Variants in LAMA2 observed in about 807,000 individuals in gnomAD.
LAMA2 encodes laminin subunit alpha-2.
In LAMA2, 269 loss-of-function variants were observed where a neutral mutation model predicts 364.8. The ratio of observed to expected loss-of-function variants is 0.74; its 90% CI spans 0.67 to 0.82. The LOEUF (loss-of-function observed/expected upper bound fraction) is 0.82, where lower values mean the gene tolerates loss of function less well. Ranked by LOEUF, LAMA2 falls within the 40% of genes least tolerant of loss-of-function variation. The probability of loss-of-function intolerance (pLI) is 0.00; values close to 1 mark genes in which losing one functional copy is unlikely to be tolerated. For synonymous variants in LAMA2, 1,379 were observed against 1,370.6 expected (o/e 1.01, Z -0.14); for missense variants, 3,807 against 3,873.2 (o/e 0.98, Z 0.45).
At chr6:129,291,497 AC>A in intron 19 of LAMA2, 116 bp from the exon 20 acceptor site, 1 of 751,860 alleles carries the variant, frequency 1.3e-6, no homozygotes, top group Non-Finnish European at 2.4e-6. Context: ...AAATCAGAAA[AC>A]ATTCTGTTAC....
intron 29 of LAMA2, among the ~76,000 whole-genome samples, chr6:129,335,732 G>A (rs1437151926): frequency 6.6e-6 from 1 of 152,090 alleles, no homozygotes; most frequent in Non-Finnish European, 1.5e-5. Context: ...TGCCAGAATA[G>A]AGATTGTTAG....
In LAMA2 at chr6:128,895,468, T is replaced by TG. The variant is rs1776714773; in HGVS notation, c.112+12111_112+12112insG. ...TAACATGGTGAAACCCTGTCTCTAC[T>TG]AAAAAAAAAAAAAAAAAAAAAAAGC... On this transcript the variant is annotated intron_variant, in intron 1 of 64. Coordinates refer to ENST00000421865, the MANE Select transcript of LAMA2 (RefSeq NM_000426.4). Among the ~76,000 whole-genome samples, 3 of 65,832 alleles carry TG rather than the reference T, an allele frequency of 4.6e-5. No individual in the cohort carries two copies. In the Admixed American group the frequency reaches 5.5e-4, roughly 12 times the overall value. 43.2% of individuals were successfully genotyped at this position (65,832 alleles called of 152,430 possible).
intron 3 of LAMA2, among the ~76,000 whole-genome samples, chr6:129,072,379 A>G (rs911381632): frequency 6.6e-6 from 1 of 152,152 alleles, no homozygotes; most frequent in African/African-American, 2.4e-5. Context: ...TTTTGTATGT[A>G]GATTCACTAG....
At chr6:129,235,452 A>G (rs143497993) in intron 12 of LAMA2, among the ~76,000 whole-genome samples, 9 of 152,324 alleles carry the variant, frequency 5.9e-5, no homozygotes, top group African/African-American at 1.9e-4. Flanking sequence ...ATGTGAAAGC[A>G]TATGAAGAAA....
chr6:129,202,797 T>G (rs1360705638), intron 12 of LAMA2, among the ~76,000 whole-genome samples: 1 of 152,190 alleles, frequency 6.6e-6, no homozygotes, highest in African/African-American at 2.4e-5. Context: ...CAAAGATTGT[T>G]TCAGAGAAAT....
chr6:129,048,857 C>T (rs529528761), intron 1 of LAMA2, among the ~76,000 whole-genome samples: 111 of 151,986 alleles, frequency 7.3e-4, no homozygotes, highest in Non-Finnish European at 1.4e-3. Context: ...TCAAGTGATC[C>T]GCCCACCTCA....
chr6:128,976,983 A>G (rs1469442065), intron 1 of LAMA2, among the ~76,000 whole-genome samples: 1 of 152,170 alleles, frequency 6.6e-6, no homozygotes, highest in Non-Finnish European at 1.5e-5. Context: ...CACAATCCAC[A>G]TTTGACCATA....
In LAMA2 at chr6:129,050,088, C is replaced by T. The variant is rs1018100729; in HGVS notation, c.283C>T (p.Gln95Ter). The change falls in exon 2 of 65, where the codon CAG (glutamine) becomes TAG (stop). Residue 95 changes from glutamine (Q) to a stop codon, truncating the protein, a stop_gained and splice_region_variant. Transcript: ENST00000421865. LOFTEE classifies it high-confidence loss of function. The stretch of plus-strand genomic sequence containing the variant: ...CAATCAAAACAGCAGCAATCCAAAC[C>T]GTATGTATTTTAGTGTGTAGGTGTG... ...ICNQNSSNPN[Q>*]RHPITNAIDG... 5 of 1,614,086 alleles carry T rather than the reference C, an allele frequency of 3.1e-6. No homozygotes were observed. Among genetic ancestry groups the T allele is most frequent in the Non-Finnish European group, 3.4e-6 (4 of 1,179,990 alleles).
In LAMA2 at chr6:129,391,483, C is replaced by A; in HGVS notation, c.5072-8C>A. The A allele has an allele frequency of 1.2e-6, 2 of 1,611,892 alleles. No individual in the cohort carries two copies. Among genetic ancestry groups the A allele is most frequent in the Non-Finnish European group, 1.7e-6 (2 of 1,178,326 alleles). On this transcript the variant is annotated splice_region_variant and splice_polypyrimidine_tract_variant and intron_variant, in intron 35 of 64. Transcript: ENST00000421865. ...ACTAATTTACAAAATTTGTTTTACC[C>A]CCTGCAGCTGTAAATGAAAAAGCTA...
chr6:129,469,572 C>T (rs1271627308), intron 51 of LAMA2, among the ~76,000 whole-genome samples: 2 of 151,930 alleles, frequency 1.3e-5, no homozygotes, highest in East Asian at 3.9e-4. Context: ...CCATACAAAC[C>T]AATCATTTCA....
Position 129,192,849 on chromosome 6 carries a change from A to G in LAMA2, c.1778A>G (p.Asn593Ser). 6.2e-7 allele frequency: 1 copy of G among 1,613,916 alleles called. No individual in the cohort carries two copies. Among genetic ancestry groups the G allele is most frequent in the East Asian group, 2.2e-5 (1 of 44,880 alleles). The change falls in exon 12 of 65, where the codon AAC (asparagine) becomes AGC (serine). Residue 593 changes from asparagine (N) to serine (S), a missense_variant. Asn to Ser is a conservative substitution (Grantham distance 46). Around this residue, in one of 3 missense-constraint regions of LAMA2, gnomAD observed 3,333 missense variants for 3,345.7 expected, o/e 1.00. Transcript: ENST00000421865. ...AGCGCGCCGGCTCCCTATCTGGGAA[A>G]CAAAGTAAGTCCACGCTTGCTTCCC... ...YWSAPAPYLG[N>S]KLPAVGGQLT...
chr6:129,359,136 TC>T (rs1301413965), intron 32 of LAMA2, among the ~76,000 whole-genome samples: 3 of 151,464 alleles, frequency 2.0e-5, no homozygotes, highest in African/African-American at 7.3e-5. Context: ...AAAACTATTA[TC>T]CCATTATTAT....
chr6:129,177,562 G>A (rs1156540346), intron 9 of LAMA2, 144 bp from the exon 10 acceptor site: 4 of 750,160 alleles, frequency 5.3e-6, no homozygotes, highest in African/African-American at 1.8e-5. Context: ...TCTACTCTTT[G>A]GTTTTAACTT....
intron 45 of LAMA2, among the ~76,000 whole-genome samples, chr6:129,452,735 G>C (rs1010484469): frequency 1.3e-5 from 2 of 152,104 alleles, no homozygotes; most frequent in Non-Finnish European, 1.5e-5. Flanking sequence ...TTAGTTGCAT[G>C]CTTCAAAAAA....
chr6:129,065,646 C>A (rs1789246765), intron 3 of LAMA2, among the ~76,000 whole-genome samples: 1 of 151,798 alleles, frequency 6.6e-6, no homozygotes, highest in African/African-American at 2.4e-5. Flanking sequence ...TAAAATAATC[C>A]CATTCACCAT....
chr6:129,118,965 A>C (rs1470592468), intron 4 of LAMA2, among the ~76,000 whole-genome samples: 1 of 152,230 alleles, frequency 6.6e-6, no homozygotes, highest in African/African-American at 2.4e-5. Context: ...TAATATTTAA[A>C]AATGCCAATT....
chr6:129,267,116 C>T lies in LAMA2; in HGVS notation c.2219C>T (p.Pro740Leu), dbSNP rs1438323758. 3.7e-6 allele frequency: 6 copies of T among 1,609,900 alleles called. No homozygotes were observed. Among genetic ancestry groups the T allele is most frequent in the Non-Finnish European group, 5.1e-6 (6 of 1,176,304 alleles). ...TTATCTTTCTCTCAGTCTTGTTGGC[C>T]TAGGCACAGGCGAGTTAACGGCACT... ...YTGSSCESCWPRHRRVNGTIF... is the reference protein window; with the variant it reads ...YTGSSCESCWLRHRRVNGTIF... The change falls in exon 16 of 65, where the codon CCT becomes CTT. Residue 740 changes from proline (P) to leucine (L), a missense_variant. Transcript: ENST00000421865.
chr6:129,037,592 TGTTA>T (rs1283428974), intron 1 of LAMA2, among the ~76,000 whole-genome samples: 1 of 152,138 alleles, frequency 6.6e-6, no homozygotes, highest in African/African-American at 2.4e-5. Context: ...TATCTCCGCA[TGTTA>T]GTTAAAAATA....
intron 34 of LAMA2, among the ~76,000 whole-genome samples, chr6:129,381,218 A>G (rs1483137368): frequency 6.6e-6 from 1 of 152,250 alleles, no homozygotes. Flanking sequence ...ACCAAAATAT[A>G]GATCAAGTTC....
Sources: allele counts gnomAD v4.1 joint callset (sites outside exome capture counted in the v4.1 genomes callset), GRCh38; gene constraint gnomAD v4.1.1; regional missense constraint gnomAD v4.1.1; transcripts MANE v1.5; gene names NCBI Gene and HGNC (gene_info 2026-07-23, HGNC 2026-07-21).